Variants in CACNA1C observed in about 807,000 individuals in gnomAD.
CACNA1C encodes voltage-dependent L-type calcium channel subunit alpha-1C.
Under a neutral mutation model 229.0 loss-of-function variants are expected in CACNA1C, and 30 were observed. The observed-to-expected ratio is 0.13, with a 90% CI of 0.10 to 0.18. The LOEUF (loss-of-function observed/expected upper bound fraction) is 0.18. Among genes scored for constraint, CACNA1C ranks in the 10% least tolerant of loss-of-function variants. The probability of loss-of-function intolerance (pLI) is 1.00; values close to 1 mark genes in which losing one functional copy is unlikely to be tolerated. For missense variants in CACNA1C, 1,658 were observed against 2,845.0 expected (o/e 0.58, Z 9.49); for synonymous variants, 1,114 against 1,132.5 (o/e 0.98, Z 0.33).
chr12:2,436,673 C>T (rs1024295069), intron 3 of CACNA1C, among the ~76,000 whole-genome samples: 6 of 152,198 alleles, frequency 3.9e-5, no homozygotes, highest in African/African-American at 1.4e-4. Context: ...CTTTAATATG[C>T]CCAAATGGCT....
intron 3 of CACNA1C, among the ~76,000 whole-genome samples, chr12:2,201,411 T>C (rs2097577273): frequency 6.6e-6 from 1 of 152,210 alleles, no homozygotes. Flanking sequence ...AACACTTTTT[T>C]CTTCACTGCC....
At chr12:2,283,240 C>T (rs894491279) in intron 3 of CACNA1C, among the ~76,000 whole-genome samples, 1 of 152,170 alleles carries the variant, frequency 6.6e-6, no homozygotes, top group Non-Finnish European at 1.5e-5. Context: ...TGCAAGGCTA[C>T]TTCTCCTTAC....
intron 3 of CACNA1C, among the ~76,000 whole-genome samples, chr12:2,390,367 A>C (rs142637662): frequency 2.6e-4 from 40 of 152,302 alleles, no homozygotes; most frequent in Middle Eastern, 3.4e-3. Context: ...ACAGAACCCG[A>C]GAGACTCTTT....
chr12:2,406,063 C>A (rs1348737928), intron 3 of CACNA1C, among the ~76,000 whole-genome samples: 1 of 152,220 alleles, frequency 6.6e-6, no homozygotes, highest in Non-Finnish European at 1.5e-5. Flanking sequence ...CTTCATTAGG[C>A]ACTTGCAAAA....
chr12:2,589,440 G>A (rs1407518480), intron 18 of CACNA1C, among the ~76,000 whole-genome samples: 1 of 152,256 alleles, frequency 6.6e-6, no homozygotes, highest in Admixed American at 6.5e-5. Context: ...AGCTCTCTAG[G>A]TGGAGACCCT....
intron 5 of CACNA1C, among the ~76,000 whole-genome samples, chr12:2,462,889 G>GTTAGAGGC (rs1567833675): frequency 6.7e-6 from 1 of 149,096 alleles, no homozygotes; most frequent in African/African-American, 2.5e-5. Flanking sequence ...GACCAATAGT[G>GTTAGAGGC]TTAGAGGCCC....
At chr12:2,405,381 A>G (rs867560382) in intron 3 of CACNA1C, among the ~76,000 whole-genome samples, 1 of 152,080 alleles carries the variant, frequency 6.6e-6, no homozygotes, top group African/African-American at 2.4e-5. Flanking sequence ...CGCTATGGAG[A>G]TCTTCCCCGT....
In CACNA1C at chr12:2,283,590, G is replaced by A. The variant is rs139507891; in HGVS notation, c.477+163160G>A. On this transcript the variant is annotated intron_variant, in intron 3 of 46. Coordinates refer to ENST00000399655, the MANE Select transcript of CACNA1C (RefSeq NM_000719.7). ...CACCTTAGCACCCAGCACAGTGCCCGGTACACAGCAGGTACCCAATACGTG... is the reference window on the plus strand; with the variant it reads ...CACCTTAGCACCCAGCACAGTGCCCAGTACACAGCAGGTACCCAATACGTG... Among the ~76,000 whole-genome samples, 445 of 152,262 alleles carry A rather than the reference G, an allele frequency of 2.9e-3. 1 individual carries two copies. The highest frequency in any genetic ancestry group is 5.1e-3 in the Non-Finnish European group (345 of 68,022).
Position 2,608,415 on chromosome 12 carries a change from C to T in CACNA1C, c.3357-96C>T. ...TCCAGCCCAGAGCTGTCTCCTGCAC[C>T]CTGATCCCTGGGATCCCTGGAGCAG... is the stretch of plus-strand genomic sequence containing the variant. On this transcript the variant is annotated intron_variant, in intron 26 of 46. Coordinates refer to ENST00000399655, the MANE Select transcript of CACNA1C (RefSeq NM_000719.7). The surrounding 1 kb of genome is among the most constrained non-coding windows in gnomAD (Gnocchi z 4.2). 5 of 932,916 alleles carry T rather than the reference C, an allele frequency of 5.4e-6. No homozygotes were observed. Among genetic ancestry groups the T allele is most frequent in the Non-Finnish European group, 8.0e-6 (5 of 621,534 alleles). The allele number at this position is 932,916 out of a possible 1,614,324, so 57.8% of individuals were successfully genotyped here.
intron 2 of CACNA1C, among the ~76,000 whole-genome samples, chr12:2,116,522 C>T (rs909843808): frequency 3.9e-5 from 6 of 152,136 alleles, no homozygotes; most frequent in African/African-American, 7.2e-5. Context: ...CCCGCCACCA[C>T]GCTCGGCTAT....
rs1011483146 is a variant in CACNA1C at position 2,567,494 on chromosome 12, G to A, written c.1670-75G>A. On this transcript the variant is annotated intron_variant, in intron 12 of 46. Coordinates refer to ENST00000399655, the MANE Select transcript of CACNA1C (RefSeq NM_000719.7). ...CTTTTTTCCAATGGAGATAATTACT[G>A]TATTTCCTTTCCCTGCCTCCCTCTC... is the stretch of plus-strand genomic sequence containing the variant. 1.6e-5 allele frequency: 14 copies of A among 867,954 alleles called. No homozygotes were observed. In the African/African-American group the frequency reaches 1.8e-4, roughly 11 times the overall value. The allele number at this position is 867,954 out of a possible 1,614,324, so 53.8% of individuals were successfully genotyped here. A position where few individuals can be genotyped will look rare whatever the true frequency, so the allele number is the denominator to read the frequency against.
At chr12:2,668,199 G>T (rs2096336441) in intron 37 of CACNA1C, among the ~76,000 whole-genome samples, 1 of 152,238 alleles carries the variant, frequency 6.6e-6, no homozygotes, top group East Asian at 1.9e-4. Flanking sequence ...GCCGGTCTTT[G>T]CTGCCAGTGG....
At chr12:2,187,054 T>C (rs527364146) in intron 3 of CACNA1C, among the ~76,000 whole-genome samples, 2 of 149,694 alleles carry the variant, frequency 1.3e-5, no homozygotes, top group Admixed American at 1.3e-4. Flanking sequence ...GTGCTCAGCT[T>C]GTTGCCAGCA....
At chr12:2,129,613 C>T (rs2154168862) in intron 3 of CACNA1C, among the ~76,000 whole-genome samples, 1 of 152,202 alleles carries the variant, frequency 6.6e-6, no homozygotes, top group African/African-American at 2.4e-5. Flanking sequence ...AAATACAAAT[C>T]CCTGGATCCT....
chr12:2,550,787 G>C (rs2099899079), intron 10 of CACNA1C: 1 of 757,694 alleles, frequency 1.3e-6, no homozygotes, highest in South Asian at 1.7e-5. Flanking sequence ...GCTGAGCTGT[G>C]GAAGAGTCTA....
In CACNA1C at chr12:2,108,461, G is replaced by A. The variant is rs924722714; in HGVS notation, c.50-6763G>A. 6.6e-6 allele frequency among the ~76,000 whole-genome samples: 1 copy of A among 152,210 alleles called. No individual in the cohort carries two copies. Among genetic ancestry groups the A allele is most frequent in the African/African-American group, 2.4e-5 (1 of 41,440 alleles). On this transcript the variant is annotated intron_variant, in intron 1 of 46. Transcript: ENST00000399655. This position sits in a 1 kb window ranked among gnomAD's most constrained non-coding sequence, Gnocchi z 5.3. Reference sequence around the variant, plus strand: ...GTGTGGCCCTGCCAGCCAGATACCTGCAAAATAGATGCTTCCCCACCTGAC... The same window carrying A: ...GTGTGGCCCTGCCAGCCAGATACCTACAAAATAGATGCTTCCCCACCTGAC...
intron 13 of CACNA1C, among the ~76,000 whole-genome samples, chr12:2,570,887 C>A (rs1244323312): frequency 2.6e-5 from 4 of 152,192 alleles, no homozygotes. Context: ...AAGCAACAGC[C>A]TTCTTTCCCT....
At chr12:2,116,350 G>C (rs2299662) in intron 2 of CACNA1C, among the ~76,000 whole-genome samples, 85,769 of 151,634 alleles carry the variant, frequency 0.57, 26,817 homozygotes, top group Non-Finnish European at 0.69. Context: ...AGAATCCTGG[G>C]GCTGTAGAAA....
chr12:2,531,753 A>G (rs1279862161), intron 9 of CACNA1C, among the ~76,000 whole-genome samples: 1 of 152,050 alleles, frequency 6.6e-6, no homozygotes, highest in Non-Finnish European at 1.5e-5. Flanking sequence ...CAGAGCCACT[A>G]CCCTGACAAT....
Sources: allele counts gnomAD v4.1 joint callset (sites outside exome capture counted in the v4.1 genomes callset), GRCh38; gene constraint gnomAD v4.1.1; non-coding constraint Gnocchi (gnomAD v3.1); transcripts MANE v1.5; gene names NCBI Gene and HGNC (gene_info 2026-07-23, HGNC 2026-07-21).